The following NWD2 variants were observed in gnomAD, a reference collection of about 807,000 sequenced individuals.
NWD2 encodes NACHT and WD repeat domain containing 2, also known as NACHT and WD repeat domain-containing protein 2.
Under a neutral mutation model 132.7 loss-of-function variants are expected in NWD2, and 37 were observed. The observed-to-expected ratio is 0.28, with a 90% confidence interval of 0.21 to 0.37. NWD2 has a LOEUF of 0.37. Ranked by LOEUF, NWD2 falls within the 10% of genes least tolerant of loss-of-function variation. The pLI, the probability that NWD2 is intolerant of heterozygous loss-of-function variation, is 1.00. For missense variants in NWD2, 1,592 were observed against 2,122.4 expected (o/e 0.75, Z 4.91); for synonymous variants, 705 against 803.0 (o/e 0.88, Z 2.06).
intron 3 of NWD2, among the ~76,000 whole-genome samples, chr4:37,413,315 T>A (rs1721200195): frequency 6.6e-6 from 1 of 152,146 alleles, no homozygotes; most frequent in Non-Finnish European, 1.5e-5. Flanking sequence ...GCAAAGGATA[T>A]GAACAGACAT....
intron 2 of NWD2, among the ~76,000 whole-genome samples, chr4:37,348,558 GC>G (rs1284859104): frequency 1.5e-5 from 2 of 136,466 alleles, no homozygotes; most frequent in Non-Finnish European, 3.1e-5. Flanking sequence ...TCTCACACTT[GC>G]CAACTTTTCT....
At chr4:37,423,524 A>C (rs1190614874) in intron 3 of NWD2, among the ~76,000 whole-genome samples, 1 of 152,198 alleles carries the variant, frequency 6.6e-6, no homozygotes, top group Non-Finnish European at 1.5e-5. Context: ...CAGGAGTGCC[A>C]ATGGAATAAG....
chr4:37,307,868 TTTC>T (rs1342476059), intron 1 of NWD2, among the ~76,000 whole-genome samples: 1 of 152,198 alleles, frequency 6.6e-6, no homozygotes, highest in Admixed American at 6.5e-5. Context: ...TCAGAAATTT[TTTC>T]TTCTTATGAT....
At chr4:37,389,469 C>CCT (rs1720637871) in intron 3 of NWD2, among the ~76,000 whole-genome samples, 1 of 152,230 alleles carries the variant, frequency 6.6e-6, no homozygotes, top group Non-Finnish European at 1.5e-5. Context: ...TTAAATTCTG[C>CCT]CTCTGCCTCT....
chr4:37,358,375 G>A (rs1719912472), intron 3 of NWD2, among the ~76,000 whole-genome samples: 3 of 148,930 alleles, frequency 2.0e-5, no homozygotes, highest in Admixed American at 1.3e-4. Flanking sequence ...AACGAACACC[G>A]AAAAACAGTG....
rs1016286747 is a variant in NWD2, at chr4:37,342,955, C to T, written c.241-13411C>T. On this transcript the variant is annotated intron_variant, in intron 2 of 6. Coordinates refer to ENST00000309447, the MANE Select transcript of NWD2 (RefSeq NM_001144990.2). Reference sequence around the variant, plus strand: ...TTTTAATCATGCCCTCCTATATATCCGTCATATGTCTCATAATCAAGAGAA... The same window carrying T: ...TTTTAATCATGCCCTCCTATATATCTGTCATATGTCTCATAATCAAGAGAA... Among the ~76,000 whole-genome samples, 8 of 152,158 alleles carry T rather than the reference C, an allele frequency of 5.3e-5. No homozygotes were observed. In the East Asian group the frequency reaches 5.8e-4, roughly 11 times the overall value.
At chr4:37,343,893 G>A (rs1177192298) in intron 2 of NWD2, among the ~76,000 whole-genome samples, 1 of 151,836 alleles carries the variant, frequency 6.6e-6, no homozygotes, top group Non-Finnish European at 1.5e-5. Flanking sequence ...GATTTGTTAG[G>A]GCATTATTTG....
chr4:37,371,857 C>A (rs1323766333), intron 3 of NWD2, among the ~76,000 whole-genome samples: 4 of 152,104 alleles, frequency 2.6e-5, no homozygotes, highest in Non-Finnish European at 5.9e-5. Context: ...TTTACAATGG[C>A]AAACTTTTTA....
At chr4:37,277,606 T>G (rs1284064554) in intron 1 of NWD2, among the ~76,000 whole-genome samples, 1 of 152,154 alleles carries the variant, frequency 6.6e-6, no homozygotes, top group Non-Finnish European at 1.5e-5. Flanking sequence ...AGCTGCCTCT[T>G]GATTATCTCT....
chr4:37,442,522 T>C (rs890200428), intron 6 of NWD2, among the ~76,000 whole-genome samples: 30 of 152,158 alleles, frequency 2.0e-4, no homozygotes, highest in South Asian at 4.1e-4. Context: ...CAGTTTCCTC[T>C]CCTATTAAAT....
At chr4:37,274,781 G>A (rs193079476) in intron 1 of NWD2, among the ~76,000 whole-genome samples, 1,988 of 152,020 alleles carry the variant, frequency 0.013, 40 homozygotes, top group African/African-American at 0.044. Context: ...TTCAACATAC[G>A]CAAATCAATA....
intron 1 of NWD2, among the ~76,000 whole-genome samples, chr4:37,291,330 G>A (rs1718355653): frequency 6.6e-6 from 1 of 151,852 alleles, no homozygotes; most frequent in Admixed American, 6.6e-5. Flanking sequence ...ATTAAATAGG[G>A]AAAAAAATCT....
chr4:37,256,132 G>T (rs944787246), intron 1 of NWD2, among the ~76,000 whole-genome samples: 1 of 152,206 alleles, frequency 6.6e-6, no homozygotes, highest in East Asian at 1.9e-4. Flanking sequence ...TTCAGGCTCA[G>T]TGGAAAACAG....
Position 37,275,233 on chromosome 4 carries a change from C to G in NWD2, c.151+30015C>G, listed in dbSNP as rs1028772765. ...TGCTGATAAGCAACTTCAGCAAAGT[C>G]TCAGGATACAAAATCAATGTGCAAA... is the stretch of plus-strand genomic sequence containing the variant. On this transcript the variant is annotated intron_variant, in intron 1 of 6. Coordinates refer to ENST00000309447, the MANE Select transcript of NWD2 (RefSeq NM_001144990.2). 5.3e-4 allele frequency among the ~76,000 whole-genome samples: 81 copies of G among 152,180 alleles called. 1 individual carries two copies. Among genetic ancestry groups the G allele is most frequent in the Non-Finnish European group, 1.2e-4 (8 of 68,048 alleles).
chr4:37,348,993 C>G (rs1043559811), intron 2 of NWD2, among the ~76,000 whole-genome samples: 2 of 151,886 alleles, frequency 1.3e-5, no homozygotes, highest in African/African-American at 4.8e-5. Context: ...TCATCCATGT[C>G]CCTGCAGAGG....
At chr4:37,336,964 A>AC (rs1245232953) in intron 2 of NWD2, among the ~76,000 whole-genome samples, 24 of 151,238 alleles carry the variant, frequency 1.6e-4, no homozygotes, top group Admixed American at 5.9e-4. Flanking sequence ...AAAAAAAAAA[A>AC]AAAAAAACAA....
At chr4:37,417,784 GTAC>G (rs1173727781) in intron 3 of NWD2, among the ~76,000 whole-genome samples, 7 of 152,156 alleles carry the variant, frequency 4.6e-5, no homozygotes, top group Non-Finnish European at 8.8e-5. Context: ...GGGGTTGAAT[GTAC>G]AGATCAGCAA....
chr4:37,245,160 C>T lies in NWD2; in HGVS notation c.93C>T (p.Pro31=), dbSNP rs1560375559. The change falls in exon 1 of 7, where the codon CCC becomes CCT. Residue 31 remains proline, a synonymous_variant. Transcript: ENST00000309447. ...AAFSGNLTAL[P]SHLVPAGRSV... is the part of the protein sequence containing the mutation. ...TCTCTGGGAACCTCACGGCCCTGCC[C>T]TCTCACCTCGTGCCCGCCGGCCGCA... 6.5e-7 allele frequency: 1 copy of T among 1,546,876 alleles called. No individual in the cohort carries two copies.
At chr4:37,350,519 T>C (rs1719739011) in intron 2 of NWD2, among the ~76,000 whole-genome samples, 1 of 152,240 alleles carries the variant, frequency 6.6e-6, no homozygotes, top group South Asian at 2.1e-4. Flanking sequence ...CTTGTGATTT[T>C]TGCACATTGA....
Sources: allele counts gnomAD v4.1 joint callset (sites outside exome capture counted in the v4.1 genomes callset), GRCh38; gene constraint gnomAD v4.1.1; transcripts MANE v1.5; gene names NCBI Gene and HGNC (gene_info 2026-07-23, HGNC 2026-07-21).